Variants in ZFR observed in about 807,000 individuals in gnomAD.
ZFR encodes zinc finger RNA-binding protein.
Under a neutral mutation model 130.7 loss-of-function variants are expected in ZFR, and 19 were observed. That is an observed-to-expected ratio of 0.15 (90% CI 0.10 to 0.21). The LOEUF (loss-of-function observed/expected upper bound fraction) is 0.21, where lower values mean the gene tolerates loss of function less well. Ranked by LOEUF, ZFR falls within the 10% of genes least tolerant of loss-of-function variation. The pLI, the probability that ZFR is intolerant of heterozygous loss-of-function variation, is 1.00. For missense variants in ZFR, 872 were observed against 1,321.5 expected (o/e 0.66, Z 5.27); for synonymous variants, 466 against 456.9 (o/e 1.02, Z -0.25).
intron 5 of ZFR, among the ~76,000 whole-genome samples, chr5:32,411,695 A>T (rs1342350811): frequency 6.0e-5 from 2 of 33,478 alleles, no homozygotes; most frequent in East Asian, 1.1e-3. Flanking sequence ...TCTCAAAAAA[A>T]AAAAAAAAAA....
chr5:32,403,297 G>T lies in ZFR; in HGVS notation c.1325C>A (p.Pro442Gln). ...TSSTAVSASK[P>Q]TASPSSIAAN... ...TGCAATGCTTGAAGGAGAGGCAGTC[G>T]GCTTTGAAGCAGATACAGCTGTTGA... The change falls in exon 8 of 20, where the codon CCG becomes CAG. Residue 442 changes from proline (P) to glutamine (Q), a missense_variant. Pro to Gln is a moderately conservative substitution (Grantham distance 76). Transcript: ENST00000265069. 4 of 1,614,114 alleles carry T rather than the reference G, an allele frequency of 2.5e-6. No homozygotes were observed. The highest frequency in any genetic ancestry group is 3.4e-6 in the Non-Finnish European group (4 of 1,180,014).
intron 2 of ZFR, among the ~76,000 whole-genome samples, chr5:32,438,407 G>A (rs951724762): frequency 6.6e-6 from 1 of 151,870 alleles, no homozygotes; most frequent in Admixed American, 6.6e-5. Flanking sequence ...GGGATTACAG[G>A]CATGCACCAC....
chr5:32,410,112 C>T (rs755534972), intron 5 of ZFR, among the ~76,000 whole-genome samples: 3 of 152,066 alleles, frequency 2.0e-5, no homozygotes, highest in Non-Finnish European at 4.4e-5. Flanking sequence ...CAAGACCAGC[C>T]TAGGCAGTGT....
At chr5:32,428,501 G>T (rs909541491) in intron 2 of ZFR, among the ~76,000 whole-genome samples, 1 of 152,214 alleles carries the variant, frequency 6.6e-6, no homozygotes, top group African/African-American at 2.4e-5. Flanking sequence ...TTGAGCCTAG[G>T]AGGAGTTCGA....
At chr5:32,359,629 T>C (rs1471965412) in intron 19 of ZFR, among the ~76,000 whole-genome samples, 1 of 152,178 alleles carries the variant, frequency 6.6e-6, no homozygotes, top group Non-Finnish European at 1.5e-5. Context: ...AGAAACATTG[T>C]GTATGACTGA....
intron 5 of ZFR, among the ~76,000 whole-genome samples, chr5:32,410,807 A>G (rs1753690660): frequency 6.6e-6 from 1 of 152,200 alleles, no homozygotes; most frequent in African/African-American, 2.4e-5. Context: ...TAGCTGCCAA[A>G]AATTGCAGAT....
chr5:32,406,965 G>C lies in ZFR; in HGVS notation c.841C>G (p.Gln281Glu). Residue 281 changes from glutamine to glutamate, a missense_variant, in exon 6 of 20, where the codon CAA becomes GAA. Physicochemically the swap from Gln to Glu is conservative, Grantham distance 29 (BLOSUM62 2). This residue lies in a region of ZFR where 240 missense variants were observed against 441.2 expected (regional missense o/e 0.54). Transcript: ENST00000265069. ...TGCTTCTGTTGCTGCTGCTGCTGTT[G>C]ATAGTAGGAAGATGCAGCTGAATAC... ...AVYSAASSYY[Q>E]QQQQQQKQAA... The C allele has an allele frequency of 6.3e-7, 1 of 1,589,856 alleles. No homozygotes were observed. The highest frequency in any genetic ancestry group is 8.5e-7 in the Non-Finnish European group (1 of 1,173,616).
chr5:32,436,738 T>C (rs1370001437), intron 2 of ZFR, among the ~76,000 whole-genome samples: 2 of 152,122 alleles, frequency 1.3e-5, no homozygotes, highest in African/African-American at 2.4e-5. Flanking sequence ...CCTACCAAAG[T>C]GCTAGGGTTA....
Position 32,395,135 on chromosome 5 carries a change from G to A in ZFR, c.1979+24C>T, listed in dbSNP as rs757854199. 4 of 1,562,470 alleles carry A rather than the reference G, an allele frequency of 2.6e-6. No individual in the cohort carries two copies. In the East Asian group the frequency reaches 9.3e-5, roughly 36 times the overall value. ...TAAGAAAGGCTGAACCACTTACCAG[G>A]CTATTAAAAGTTAAAGATATTACCT... is the stretch of plus-strand genomic sequence containing the variant. On this transcript the variant is annotated intron_variant, in intron 11 of 19. Coordinates refer to ENST00000265069, the MANE Select transcript of ZFR (RefSeq NM_016107.5).
At chr5:32,380,650 CTTT>C (rs55724344) in intron 15 of ZFR, among the ~76,000 whole-genome samples, 45 of 97,058 alleles carry the variant, frequency 4.6e-4, no homozygotes, top group African/African-American at 1.8e-3. Flanking sequence ...ACAGGCATTT[CTTT>C]TTTTTTTTTT....
chr5:32,385,697 A>G, intron 14 of ZFR, 48 bp from the exon 15 acceptor site: 1 of 1,599,040 alleles, frequency 6.3e-7, no homozygotes, highest in Non-Finnish European at 8.5e-7. Context: ...TTGTATTAAC[A>G]AACAAAAGCA....
At chr5:32,441,257 G>A (rs140621634) in intron 2 of ZFR, among the ~76,000 whole-genome samples, 1,877 of 152,296 alleles carry the variant, frequency 0.012, 19 homozygotes, top group Middle Eastern at 0.044. Flanking sequence ...GATTACAGGC[G>A]TGAGCCACCA....
rs1243552264 is a variant in ZFR, at chr5:32,399,900, A to C, written c.1713+107T>G. 15 of 1,041,942 alleles carry C rather than the reference A, an allele frequency of 1.4e-5. No homozygotes were observed. In the Middle Eastern group the frequency reaches 6.8e-4, roughly 47 times the overall value. 64.5% of individuals were successfully genotyped at this position (1,041,942 alleles called of 1,614,324 possible). A position where few individuals can be genotyped will look rare whatever the true frequency, so the allele number is the denominator to read the frequency against. Reference sequence around the variant, plus strand: ...CCTTTAATATTCTTTAAGTAAGCTAAATCTAAAATACAATTAAGTATATTT... The same window carrying C: ...CCTTTAATATTCTTTAAGTAAGCTACATCTAAAATACAATTAAGTATATTT... On this transcript the variant is annotated intron_variant, in intron 9 of 19. Transcript: ENST00000265069.
chr5:32,394,406 C>T (rs1415619084), intron 11 of ZFR: 1 of 169,020 alleles, frequency 5.9e-6, no homozygotes, highest in African/African-American at 2.4e-5. Flanking sequence ...GCGGTTTATA[C>T]CAAATGAATT....
chr5:32,425,100 A>C (rs987711306), intron 2 of ZFR, among the ~76,000 whole-genome samples: 1 of 152,232 alleles, frequency 6.6e-6, no homozygotes, highest in African/African-American at 2.4e-5. Context: ...TGATTGTAGG[A>C]AATAAAAATA....
At chr5:32,381,162 A>G (rs939977086) in intron 15 of ZFR, among the ~76,000 whole-genome samples, 1 of 152,204 alleles carries the variant, frequency 6.6e-6, no homozygotes, top group Non-Finnish European at 1.5e-5. Flanking sequence ...GTGACGATAG[A>G]TGTGTAGGGT....
chr5:32,382,264 T>C (rs901614105), intron 15 of ZFR, among the ~76,000 whole-genome samples: 5 of 152,238 alleles, frequency 3.3e-5, no homozygotes, highest in Middle Eastern at 3.4e-3. Flanking sequence ...TGAGCCGAGA[T>C]TGTGCTGCTG....
At chr5:32,409,396 G>T (rs1270877481) in intron 5 of ZFR, among the ~76,000 whole-genome samples, 2 of 151,494 alleles carry the variant, frequency 1.3e-5, no homozygotes. Context: ...ACTGAGTTTT[G>T]TATTATATTT....
chr5:32,382,192 C>T lies in ZFR; in HGVS notation c.2642-2020G>A, dbSNP rs1271769369. Among the ~76,000 whole-genome samples, 92 of 151,876 alleles carry T rather than the reference C, an allele frequency of 6.1e-4. 1 individual carries two copies. The highest frequency in any genetic ancestry group is 4.4e-5 in the Non-Finnish European group (3 of 67,938). ...GTGGCACATGCCTGTGGTCCCAGCTCCTCAGCTACTTGGGAGGCTGAGGCA... is the reference window on the plus strand; with the variant it reads ...GTGGCACATGCCTGTGGTCCCAGCTTCTCAGCTACTTGGGAGGCTGAGGCA... On this transcript the variant is annotated intron_variant, in intron 15 of 19. Transcript: ENST00000265069.
Sources: gnomAD v4.1 joint callset for allele counts (sites outside exome capture counted in the v4.1 genomes callset) on GRCh38, gnomAD v4.1.1 for gene constraint, gnomAD v4.1.1 regional missense constraint, MANE v1.5 for transcripts, NCBI Gene and HGNC (gene_info 2026-07-23, HGNC 2026-07-21) for gene names.